CACNA1G: variants seen among roughly 807,000 people sequenced by gnomAD.
CACNA1G encodes voltage-dependent T-type calcium channel subunit alpha-1G.
In CACNA1G, 67 loss-of-function variants were observed where a neutral mutation model predicts 219.4. The ratio of observed to expected loss-of-function variants is 0.31; its 90% CI spans 0.25 to 0.37. The LOEUF is 0.37. CACNA1G is among the 10% of genes least tolerant of loss of function. The pLI is 1.00. For missense variants in CACNA1G, 2,380 were observed against 3,231.4 expected, an observed-to-expected ratio of 0.74 and a Z score of 6.39; for synonymous variants, 1,296 against 1,345.3, an observed-to-expected ratio of 0.96 and a Z score of 0.80.
intron 34 of CACNA1G, among the ~76,000 whole-genome samples, chr17:50,620,293 TGGTGGCTTTTTAA>T (rs1407985555): frequency 6.6e-6 from 1 of 152,134 alleles, no homozygotes; most frequent in Non-Finnish European, 1.5e-5. Flanking sequence ...GTCCTCAGTT[TGGTGGCTTTTTAA>T]GCCATGGAGC....
At position 50,618,886 on chromosome 17, in the gene CACNA1G, G is replaced by C. The variant is rs2051108125; in HGVS notation, c.5659G>C (p.Gly1887Arg). The C allele has an allele frequency of 6.2e-7, 1 of 1,611,976 alleles. No individual in the cohort carries two copies. The highest frequency in any genetic ancestry group is 1.3e-5 in the African/African-American group (1 of 75,030). The change falls in exon 33 of 38, where the codon GGC (glycine) becomes CGC (arginine). Residue 1887 changes from glycine to arginine, a missense_variant. Coordinates refer to ENST00000359106, the MANE Select transcript of CACNA1G (RefSeq NM_018896.5). This position sits in a 1 kb window ranked among gnomAD's most constrained non-coding sequence, Gnocchi z 5.3. The part of the protein sequence containing the change: ...TLSPQPHSPL[G>R]SPFLWPGVEG... ...CAGCCCCCAGCCCCACTCGCCACTGGGCAGCCCCTTCCTCTGGCCTGGGGT... is the reference window on the plus strand; with the variant it reads ...CAGCCCCCAGCCCCACTCGCCACTGCGCAGCCCCTTCCTCTGGCCTGGGGT...
intron 9 of CACNA1G, among the ~76,000 whole-genome samples, chr17:50,587,008 C>T (rs1053736325): frequency 6.6e-6 from 1 of 152,096 alleles, no homozygotes; most frequent in Non-Finnish European, 1.5e-5. Flanking sequence ...ACCGAAACCT[C>T]CACTGGGCCT....
chr17:50,598,541 A>G (rs1375409576), intron 16 of CACNA1G, among the ~76,000 whole-genome samples: 1 of 152,172 alleles, frequency 6.6e-6, no homozygotes, highest in Non-Finnish European at 1.5e-5. Flanking sequence ...CGTTTTCCAT[A>G]ATGGCTGTAT....
chr17:50,569,880 T>C, intron 4 of CACNA1G, 77 bp downstream of exon 4: 3 of 1,101,344 alleles, frequency 2.7e-6, no homozygotes, highest in Non-Finnish European at 4.0e-6. Flanking sequence ...CCACCTCTAC[T>C]ACTGTGTCCT....
intron 26 of CACNA1G, 79 bp downstream of exon 26, chr17:50,610,014 T>C (rs1305020344): frequency 3.6e-5 from 51 of 1,420,174 alleles, no homozygotes; most frequent in Non-Finnish European, 4.9e-5. Flanking sequence ...GATTCTATCC[T>C]CTTGGGGTGA....
At chr17:50,624,153 GA>G in intron 36 of CACNA1G, 78 bp downstream of exon 36, 1 of 1,530,350 alleles carries the variant, frequency 6.5e-7, no homozygotes. Context: ...GATCTGAGGG[GA>G]TGGGGAACTG....
At chr17:50,616,440 C>T in intron 28 of CACNA1G, 56 bp downstream of exon 28, 8 of 1,067,710 alleles carry the variant, frequency 7.5e-6, no homozygotes, top group South Asian at 4.0e-5. Flanking sequence ...AGGAATGAGT[C>T]TCTTGGGGAA....
chr17:50,623,545 A>AGGGCTGG lies in CACNA1G; in HGVS notation c.6061-348_6061-342dup, dbSNP rs376793063. ...TAGAATCAGCTTGTGAGCCACCTGCAGGGCTGGGGGCTGGGGGCTGCTCTC... is the reference window on the plus strand; with the variant it reads ...TAGAATCAGCTTGTGAGCCACCTGCAGGGCTGGGGGCTGGGGGCTGGGGGCTGCTCTC... On this transcript the variant is annotated intron_variant, in intron 35 of 37. Transcript: ENST00000359106. 5.8e-3 allele frequency among the ~76,000 whole-genome samples: 884 copies of AGGGCTGG among 152,096 alleles called. 7 individuals carry two copies. The highest frequency in any genetic ancestry group is 0.02 in the African/African-American group (820 of 41,490).
chr17:50,586,838 G>A (rs967013212), intron 9 of CACNA1G, among the ~76,000 whole-genome samples: 9 of 152,252 alleles, frequency 5.9e-5, no homozygotes, highest in Non-Finnish European at 5.9e-5. Flanking sequence ...CCGGTGCTGG[G>A]AAGTACTGAG....
At chr17:50,564,714 T>A (rs1346842968) in intron 1 of CACNA1G, among the ~76,000 whole-genome samples, 1 of 152,082 alleles carries the variant, frequency 6.6e-6, no homozygotes, top group African/African-American at 2.4e-5. Flanking sequence ...AATTCTCCAT[T>A]TCTGTCCTCA....
At position 50,626,566 on chromosome 17, in the gene CACNA1G, G is replaced by GA. The variant is rs2053851458; in HGVS notation, c.6950dup (p.Ser2318GlufsTer33). The GA allele has an allele frequency of 6.3e-7, 1 of 1,593,002 alleles. No individual in the cohort carries two copies. Among genetic ancestry groups the GA allele is most frequent in the Non-Finnish European group, 8.5e-7 (1 of 1,171,566 alleles). ...GCCTAGTATCACCATAGACCCCCCC[G>GA]AGAGCCAAGGTCCTCGGACCCCGCC... On this transcript the variant is annotated frameshift_variant, in exon 38 of 38. Transcript: ENST00000359106. LOFTEE classifies it high-confidence loss of function. The surrounding 1 kb of genome is among the most constrained non-coding windows in gnomAD (Gnocchi z 4.3).
intron 27 of CACNA1G, 137 bp downstream of exon 27, chr17:50,615,649 C>A: frequency 2.3e-6 from 2 of 865,858 alleles, no homozygotes; most frequent in Non-Finnish European, 3.4e-6. Flanking sequence ...CTCTTGTGCC[C>A]CTTGGAGGTG....
At position 50,568,948 on chromosome 17, in the gene CACNA1G, C is replaced by G. The variant is rs529908416; in HGVS notation, c.321C>G (p.Ile107Met). 1 of 1,612,596 alleles carries G rather than the reference C, an allele frequency of 6.2e-7. No individual in the cohort carries two copies. Among genetic ancestry groups the G allele is most frequent in the East Asian group, 2.2e-5 (1 of 44,864 alleles). The change falls in exon 2 of 38, where the codon ATC (isoleucine) becomes ATG (methionine). Residue 107 changes from isoleucine (I) to methionine (M), a missense_variant. This residue lies in a region of CACNA1G where 64 missense variants were observed against 103.7 expected (regional missense o/e 0.62). Coordinates refer to ENST00000359106, the MANE Select transcript of CACNA1G (RefSeq NM_018896.5). ...TLGMFRPCED[I>M]ACDSQRCRIL... ...GCATGTTCCGGCCATGCGAGGACAT[C>G]GCCTGTGACTCCCAGCGCTGCCGGA...
rs2145855517 is a variant in CACNA1G at position 50,603,414 on chromosome 17, C to T, written c.4169+215C>T. Among the ~76,000 whole-genome samples the T allele has an allele frequency of 6.6e-6, 1 of 152,312 alleles. No homozygotes were observed. The highest frequency in any genetic ancestry group is 2.4e-5 in the African/African-American group (1 of 41,566). ...GGTGCACACCTGCTTTCCTCCTCTT[C>T]AACATGACATATTCCTCAGGGCCGC... On this transcript the variant is annotated intron_variant, in intron 21 of 37. Coordinates refer to ENST00000359106, the MANE Select transcript of CACNA1G (RefSeq NM_018896.5). This position sits in a 1 kb window ranked among gnomAD's most constrained non-coding sequence, Gnocchi z 6.4.
At chr17:50,610,141 G>A (rs571609576) in intron 26 of CACNA1G, among the ~76,000 whole-genome samples, 2 of 152,332 alleles carry the variant, frequency 1.3e-5, no homozygotes, top group African/African-American at 2.4e-5. Context: ...CCTCTCTGCC[G>A]ACGCCCTTTG....
intron 26 of CACNA1G, 50 bp from the exon 27 acceptor site, chr17:50,615,311 C>CG (rs774637381): frequency 2.0e-6 from 2 of 1,017,912 alleles, no homozygotes; most frequent in Non-Finnish European, 2.6e-6. Flanking sequence ...TGGAGGGGTG[C>CG]GGGGGGCAGG....
In CACNA1G at chr17:50,576,223, A is replaced by G; in HGVS notation, c.1821A>G (p.Leu607=). ...CGGAGACGCTGAAGGAGAAGGCACT[A>G]GTAGAGGTGGCTGCCAGCTCTGGGC... ...PPPETLKEKA[L]VEVAASSGPP... is the part of the protein sequence containing the mutation. The change falls in exon 8 of 38, where the codon CTA becomes CTG. Residue 607 remains leucine, a synonymous_variant. Transcript: ENST00000359106. 1.9e-6 allele frequency: 3 copies of G among 1,607,000 alleles called. No homozygotes were observed. Among genetic ancestry groups the G allele is most frequent in the Non-Finnish European group, 2.5e-6 (3 of 1,177,446 alleles).
At position 50,607,776 on chromosome 17, in the gene CACNA1G, C is replaced by T. The variant is rs1187928284; in HGVS notation, c.4513-51C>T. On this transcript the variant is annotated intron_variant, in intron 24 of 37. Transcript: ENST00000359106. ...CCCAGGCTGTGGGCAGCTCCTAAGA[C>T]AGCTTGCCCTCGGGCTGATGCCTCC... 3.3e-6 allele frequency: 5 copies of T among 1,537,070 alleles called. No homozygotes were observed. The African/African-American group carries it at 5.5e-5, about 17-fold the overall frequency.
intron 28 of CACNA1G, 81 bp downstream of exon 28, chr17:50,616,465 C>G: frequency 1.2e-6 from 1 of 852,340 alleles, no homozygotes; most frequent in Non-Finnish European, 1.9e-6. Flanking sequence ...CCAGGAAGAC[C>G]TAGTGTCTAA....
Sources: gnomAD v4.1 joint callset for allele counts (sites outside exome capture counted in the v4.1 genomes callset) on GRCh38, gnomAD v4.1.1 for gene constraint, gnomAD v4.1.1 regional missense constraint, Gnocchi (gnomAD v3.1) non-coding constraint, MANE v1.5 for transcripts, NCBI Gene and HGNC (gene_info 2026-07-23, HGNC 2026-07-21) for gene names.